HSPG2: variants seen among roughly 807,000 people sequenced by gnomAD.
The protein encoded by HSPG2 is heparan sulfate proteoglycan 2, also known as basement membrane-specific heparan sulfate proteoglycan core protein.
HSPG2 carries 278 observed loss-of-function variants against 526.6 expected under a neutral mutation model. The observed-to-expected ratio is 0.53, with a 90% CI of 0.48 to 0.58. HSPG2 has a LOEUF of 0.58. Among genes scored for constraint, HSPG2 ranks in the 20% least tolerant of loss-of-function variants. The probability of loss-of-function intolerance (pLI) is 0.00; values close to 1 mark genes in which losing one functional copy is unlikely to be tolerated. For synonymous variants in HSPG2, 2,465 were observed against 2,555.4 expected, an observed-to-expected ratio of 0.96 and a Z score of 1.07; for missense variants, 5,354 against 6,099.5, an observed-to-expected ratio of 0.88 and a Z score of 4.07.
intron 1 of HSPG2, among the ~76,000 whole-genome samples, chr1:21,934,985 C>G (rs1182031818): frequency 1.3e-5 from 2 of 151,936 alleles, no homozygotes; most frequent in African/African-American, 4.8e-5. Flanking sequence ...CAGCTCACTG[C>G]AACCTCCGCC....
chr1:21,828,050 G>A lies in HSPG2; in HGVS notation c.12512C>T (p.Ser4171Phe). 1 of 1,613,650 alleles carries A rather than the reference G, an allele frequency of 6.2e-7. No homozygotes were observed. The highest frequency in any genetic ancestry group is 8.5e-7 in the Non-Finnish European group (1 of 1,180,004). The change falls in exon 90 of 97, where the codon TCT becomes TTT. Residue 4171 changes from serine to phenylalanine, a missense_variant. Physicochemically the swap from Ser to Phe is radical, Grantham distance 155. Coordinates refer to ENST00000374695, the MANE Select transcript of HSPG2 (RefSeq NM_005529.7). The surrounding 1 kb of genome is among the most constrained non-coding windows in gnomAD (Gnocchi z 6.0). ...GGTACCTTGTTGGCAGCGTGGGCCA[G>A]AGAAGCCAGGGAGGCAGAGGCAGCG... Reference protein sequence around the residue: ...GTRCLCLPGFSGPRCQQGSGH... With the variant: ...GTRCLCLPGFFGPRCQQGSGH...
intron 1 of HSPG2, among the ~76,000 whole-genome samples, chr1:21,902,667 C>T (rs2152779378): frequency 6.6e-6 from 1 of 152,320 alleles, no homozygotes; most frequent in South Asian, 2.1e-4. Flanking sequence ...TGACCCCTTG[C>T]CCTCTGTAAG....
intron 9 of HSPG2, among the ~76,000 whole-genome samples, chr1:21,886,660 G>T (rs1641917722): frequency 6.6e-6 from 1 of 152,172 alleles, no homozygotes; most frequent in Non-Finnish European, 1.5e-5. Context: ...ACAAGGGTGG[G>T]GAAGTGGGAG....
chr1:21,852,196 G>A lies in HSPG2; in HGVS notation c.6762C>T (p.Ser2254=). The A allele has an allele frequency of 1.9e-6, 3 of 1,614,110 alleles. No individual in the cohort carries two copies. The highest frequency in any genetic ancestry group is 2.5e-6 in the Non-Finnish European group (3 of 1,180,040). The stretch of plus-strand genomic sequence containing the variant: ...CCAGGGTCTGGCCCTCGGCCACTGT[G>A]GAGGATGAAGACTCGATCCTGACAG... The part of the protein sequence containing the change: ...IPPVRIESSS[S]TVAEGQTLDL... The change falls in exon 53 of 97, where the codon TCC becomes TCT. Residue 2254 remains serine, a synonymous_variant. Coordinates refer to ENST00000374695, the MANE Select transcript of HSPG2 (RefSeq NM_005529.7).
rs147035611 is a variant in HSPG2 at position 21,896,143 on chromosome 1, C to T, written c.199+32G>A. ...AAGAAGCACAGTCTCACCCCCCACC[C>T]CTCTGCTCCCAGCCTTGGATCCTTG... On this transcript the variant is annotated intron_variant, in intron 2 of 96. Coordinates refer to ENST00000374695, the MANE Select transcript of HSPG2 (RefSeq NM_005529.7). 5.4e-5 allele frequency: 87 copies of T among 1,613,798 alleles called. No homozygotes were observed. The African/African-American group carries it at 1.1e-3, about 20-fold the overall frequency.
chr1:21,848,553 G>T lies in HSPG2; in HGVS notation c.7737+90C>A. ...CTCAATGTTTGTTGAATGACTGAAT[G>T]AGCACAGAGTGAGGTGCTGAGAGTC... On this transcript the variant is annotated intron_variant, in intron 59 of 96. Transcript: ENST00000374695. The surrounding 1 kb of genome is among the most constrained non-coding windows in gnomAD (Gnocchi z 4.9). The T allele has an allele frequency of 7.1e-7, 1 of 1,415,250 alleles. No individual in the cohort carries two copies. The highest frequency in any genetic ancestry group is 1.0e-6 in the Non-Finnish European group (1 of 1,003,394). 87.7% of individuals were successfully genotyped at this position (1,415,250 alleles called of 1,614,324 possible).
rs1640066825 is a variant in HSPG2, at chr1:21,864,490, G to C, written c.4627-277C>G. ...CCTGTCTCTGGTGGGCCCCCTCAAGGGCATGAACTGGGTTTTAACCCCCGG... is the reference window on the plus strand; with the variant it reads ...CCTGTCTCTGGTGGGCCCCCTCAAGCGCATGAACTGGGTTTTAACCCCCGG... On this transcript the variant is annotated intron_variant, in intron 36 of 96. Coordinates refer to ENST00000374695, the MANE Select transcript of HSPG2 (RefSeq NM_005529.7). This position sits in a 1 kb window ranked among gnomAD's most constrained non-coding sequence, Gnocchi z 4.8. Among the ~76,000 whole-genome samples the C allele has an allele frequency of 6.6e-6, 1 of 152,172 alleles. No individual in the cohort carries two copies. Among genetic ancestry groups the C allele is most frequent in the African/African-American group, 2.4e-5 (1 of 41,432 alleles).
At chr1:21,838,182 G>C (rs1454288706) in intron 74 of HSPG2, among the ~76,000 whole-genome samples, 1 of 151,068 alleles carries the variant, frequency 6.6e-6, no homozygotes, top group African/African-American at 2.4e-5. Context: ...GCTCAAAAAG[G>C]TTCAGTGACT....
chr1:21,835,135 TC>T, intron 76 of HSPG2, 190 bp from the exon 77 acceptor site: 1 of 685,568 alleles, frequency 1.5e-6, no homozygotes, highest in Non-Finnish European at 2.5e-6. Context: ...CACTCACGTG[TC>T]CACTTCTTTT....
chr1:21,827,249 T>G (rs1294731635), intron 91 of HSPG2, among the ~76,000 whole-genome samples: 3 of 152,136 alleles, frequency 2.0e-5, no homozygotes, highest in African/African-American at 4.8e-5. Flanking sequence ...ACATAAAATT[T>G]TATCCAAATC....
At chr1:21,834,421 T>C (rs1373087259) in intron 77 of HSPG2, among the ~76,000 whole-genome samples, 2 of 152,202 alleles carry the variant, frequency 1.3e-5, no homozygotes, top group Non-Finnish European at 2.9e-5. Context: ...TCCCTGCAGA[T>C]GAGGACAAGG....
chr1:21,855,266 T>C (rs777566331), intron 47 of HSPG2, 38 bp downstream of exon 47: 2 of 1,582,470 alleles, frequency 1.3e-6, no homozygotes. Context: ...CTGCAGAGCC[T>C]GTGGGCCTCC....
chr1:21,913,842 G>A (rs528501012), intron 1 of HSPG2, among the ~76,000 whole-genome samples: 39 of 152,366 alleles, frequency 2.6e-4, no homozygotes, highest in Non-Finnish European at 5.1e-4. Flanking sequence ...AGGCAGTACA[G>A]TGTGAGTTCT....
Position 21,848,400 on chromosome 1 carries a change from T to G in HSPG2, c.7737+243A>C, listed in dbSNP as rs1638618962. Among the ~76,000 whole-genome samples, 2 of 152,160 alleles carry G rather than the reference T, an allele frequency of 1.3e-5. No homozygotes were observed. Among genetic ancestry groups the G allele is most frequent in the Admixed American group, 1.3e-4 (2 of 15,282 alleles). On this transcript the variant is annotated intron_variant, in intron 59 of 96. Coordinates refer to ENST00000374695, the MANE Select transcript of HSPG2 (RefSeq NM_005529.7). This position sits in a 1 kb window ranked among gnomAD's most constrained non-coding sequence, Gnocchi z 4.9. ...GTCTCATTCCATCTGGAATCTTCAG[T>G]GTCAGGCACAGGACATGGCCCGGAG...
chr1:21,926,987 G>C (rs956621105), intron 1 of HSPG2, among the ~76,000 whole-genome samples: 1 of 152,264 alleles, frequency 6.6e-6, no homozygotes, highest in East Asian at 1.9e-4. Flanking sequence ...ACCAGGAGGT[G>C]GGGGCCGGAG....
Position 21,878,227 on chromosome 1 carries a change from G to A in HSPG2, c.2644C>T (p.Arg882Cys), listed in dbSNP as rs760187334. The change falls in exon 21 of 97, where the codon CGT becomes TGT. Residue 882 changes from arginine to cysteine, a missense_variant. By Grantham distance (180) the Arg-to-Cys change is radical. Coordinates refer to ENST00000374695, the MANE Select transcript of HSPG2 (RefSeq NM_005529.7). ...TCCCCGGAGGTCCCCATGCTGCCAC[G>A]CTCGTCACAGCGCACAATCTCCTGG... ...VNQEIVRCDE[R>C]GSMGTSGEAC... 22 of 1,613,852 alleles carry A rather than the reference G, an allele frequency of 1.4e-5. No homozygotes were observed. Among genetic ancestry groups the A allele is most frequent in the African/African-American group, 2.7e-5 (2 of 75,062 alleles).
rs776881634 is a variant in HSPG2 at position 21,865,399 on chromosome 1, C to T, written c.4315-34G>A. 84 of 1,605,372 alleles carry T rather than the reference C, an allele frequency of 5.2e-5. No individual in the cohort carries two copies. Among genetic ancestry groups the T allele is most frequent in the Non-Finnish European group, 6.4e-5 (75 of 1,172,678 alleles). On this transcript the variant is annotated intron_variant, in intron 34 of 96. Coordinates refer to ENST00000374695, the MANE Select transcript of HSPG2 (RefSeq NM_005529.7). This position sits in a 1 kb window ranked among gnomAD's most constrained non-coding sequence, Gnocchi z 5.4. Reference sequence around the variant, plus strand: ...ACACCAGCAGGATTGGAAGGGGAGCCGAGGGGTCCCTGGGGTGCCAGGGTG... The same window carrying T: ...ACACCAGCAGGATTGGAAGGGGAGCTGAGGGGTCCCTGGGGTGCCAGGGTG...
chr1:21,871,372 AC>A (rs1363120321), intron 33 of HSPG2, among the ~76,000 whole-genome samples: 4 of 142,080 alleles, frequency 2.8e-5, no homozygotes, highest in African/African-American at 1.1e-4. Flanking sequence ...CGATCCTCCC[AC>A]CTCAGCCTCC....
intron 1 of HSPG2, among the ~76,000 whole-genome samples, chr1:21,928,591 C>T (rs983110091): frequency 2.0e-5 from 3 of 152,034 alleles, no homozygotes; most frequent in African/African-American, 7.3e-5. Flanking sequence ...CAGTCATGCA[C>T]CACCACACCC....
Sources: gnomAD v4.1 joint callset for allele counts (sites outside exome capture counted in the v4.1 genomes callset) on GRCh38, gnomAD v4.1.1 for gene constraint, Gnocchi (gnomAD v3.1) non-coding constraint, MANE v1.5 for transcripts, NCBI Gene and HGNC (gene_info 2026-07-23, HGNC 2026-07-21) for gene names.